The following PTPRO variants were observed in gnomAD, a reference collection of about 807,000 sequenced individuals.
PTPRO encodes protein tyrosine phosphatase receptor type O, also known as receptor-type tyrosine-protein phosphatase O.
In PTPRO, 62 loss-of-function variants were observed where a neutral mutation model predicts 145.2. That is an observed-to-expected ratio of 0.43 (90% CI 0.35 to 0.53). The LOEUF (loss-of-function observed/expected upper bound fraction) is 0.53. Ranked by LOEUF, PTPRO falls within the 20% of genes least tolerant of loss-of-function variation. The probability of loss-of-function intolerance (pLI) is 0.01; values close to 1 mark genes in which losing one functional copy is unlikely to be tolerated. For synonymous variants in PTPRO, 565 were observed against 514.7 expected (o/e 1.10, Z -1.32); for missense variants, 1,345 against 1,482.7 (o/e 0.91, Z 1.53).
chr12:15,394,081 T>C (rs1437882498), intron 1 of PTPRO, among the ~76,000 whole-genome samples: 1 of 152,152 alleles, frequency 6.6e-6, no homozygotes, highest in Non-Finnish European at 1.5e-5. Flanking sequence ...AATACATTCA[T>C]GAGGCCAGAG....
intron 1 of PTPRO, among the ~76,000 whole-genome samples, chr12:15,386,911 G>A (rs1183769655): frequency 6.6e-6 from 1 of 152,124 alleles, no homozygotes; most frequent in Admixed American, 6.6e-5. Flanking sequence ...AAAACTGCTT[G>A]CAGAAATAGC....
At chr12:15,463,080 T>G (rs955039949) in intron 1 of PTPRO, among the ~76,000 whole-genome samples, 6 of 152,184 alleles carry the variant, frequency 3.9e-5, no homozygotes, top group African/African-American at 1.4e-4. Context: ...GCAAATGGTG[T>G]GTGATTTGTT....
At chr12:15,536,279 G>A (rs770013281) in intron 12 of PTPRO, among the ~76,000 whole-genome samples, 1 of 152,174 alleles carries the variant, frequency 6.6e-6, no homozygotes, top group Non-Finnish European at 1.5e-5. Context: ...AGTGCTGTGG[G>A]GGATGGGTGC....
chr12:15,430,118 GAAAA>G (rs1304233156), intron 1 of PTPRO, among the ~76,000 whole-genome samples: 1 of 152,018 alleles, frequency 6.6e-6, no homozygotes, highest in Admixed American at 6.6e-5. Flanking sequence ...GGAACACCGA[GAAAA>G]TAGCAAGCCT....
At chr12:15,443,994 CAA>C (rs35520232) in intron 1 of PTPRO, among the ~76,000 whole-genome samples, 94 of 144,880 alleles carry the variant, frequency 6.5e-4, no homozygotes, top group Middle Eastern at 3.6e-3. Context: ...GAGTATATAT[CAA>C]AAAAAAAAAA....
At chr12:15,464,575 G>A (rs1462870823) in intron 1 of PTPRO, among the ~76,000 whole-genome samples, 1 of 150,534 alleles carries the variant, frequency 6.6e-6, no homozygotes, top group Admixed American at 6.6e-5. Context: ...ATCTTGGCCA[G>A]GCAGGTCTCC....
chr12:15,396,306 T>C (rs1006485545), intron 1 of PTPRO, among the ~76,000 whole-genome samples: 1 of 152,182 alleles, frequency 6.6e-6, no homozygotes, highest in African/African-American at 2.4e-5. Flanking sequence ...TGAACTCAAT[T>C]GTGTTGCACT....
chr12:15,452,613 A>C (rs2136381439), intron 1 of PTPRO, among the ~76,000 whole-genome samples: 1 of 152,342 alleles, frequency 6.6e-6, no homozygotes. Context: ...ATACTAGCTA[A>C]CTGAATACAA....
At chr12:15,451,697 C>A (rs1450638084) in intron 1 of PTPRO, among the ~76,000 whole-genome samples, 1 of 152,156 alleles carries the variant, frequency 6.6e-6, no homozygotes, top group African/African-American at 2.4e-5. Flanking sequence ...AAGGAACTTT[C>A]AAAACCATGC....
chr12:15,534,775 G>A (rs1943033509), intron 12 of PTPRO, among the ~76,000 whole-genome samples: 2 of 152,280 alleles, frequency 1.3e-5, no homozygotes, highest in East Asian at 1.9e-4. Flanking sequence ...TAAACAGTCC[G>A]ATTTACATTT....
intron 1 of PTPRO, among the ~76,000 whole-genome samples, chr12:15,457,518 G>T (rs1413052144): frequency 6.6e-6 from 1 of 151,944 alleles, no homozygotes; most frequent in Non-Finnish European, 1.5e-5. Flanking sequence ...ATTTACTATT[G>T]CCTTGTTGTT....
At chr12:15,363,333 A>G (rs888408081) in intron 1 of PTPRO, among the ~76,000 whole-genome samples, 2 of 152,162 alleles carry the variant, frequency 1.3e-5, no homozygotes, top group African/African-American at 2.4e-5. Context: ...ATCATGCTCT[A>G]TTTTTCGAAG....
At chr12:15,496,030 T>C (rs943430082) in intron 2 of PTPRO, among the ~76,000 whole-genome samples, 1 of 152,026 alleles carries the variant, frequency 6.6e-6, no homozygotes, top group Admixed American at 6.6e-5. Flanking sequence ...TGAGTTAATC[T>C]GTAATTTGAG....
intron 1 of PTPRO, among the ~76,000 whole-genome samples, chr12:15,419,755 A>G (rs769811027): frequency 1.3e-5 from 2 of 151,540 alleles, no homozygotes; most frequent in Non-Finnish European, 2.9e-5. Context: ...TCCCAGAGAA[A>G]ATAGAGGTAA....
intron 1 of PTPRO, among the ~76,000 whole-genome samples, chr12:15,359,232 G>A (rs1345662275): frequency 6.6e-6 from 1 of 152,000 alleles, no homozygotes; most frequent in African/African-American, 2.4e-5. Flanking sequence ...GGGGAGGAGG[G>A]GTAATTAAGA....
rs370766583 is a variant in PTPRO, at chr12:15,522,098, AATAATAATAAATAC to A, written c.1891+1801_1891+1814del. ...ATTTTCACATCTATAAAATGGGTAT[AATAATAATAAATAC>A]ATAATAATAAATACCTCACAGTATG... On this transcript the variant is annotated intron_variant, in intron 10 of 26. Coordinates refer to ENST00000281171, the MANE Select transcript of PTPRO (RefSeq NM_030667.3). 4.6e-3 allele frequency among the ~76,000 whole-genome samples: 693 copies of A among 152,228 alleles called. 5 individuals carry two copies. Among genetic ancestry groups the A allele is most frequent in the African/African-American group, 0.016 (654 of 41,540 alleles).
intron 1 of PTPRO, among the ~76,000 whole-genome samples, chr12:15,357,205 A>G (rs1329419975): frequency 6.6e-6 from 1 of 152,220 alleles, no homozygotes; most frequent in Admixed American, 6.5e-5. Context: ...ATGCCTCTCC[A>G]TCTCTAATTA....
Position 15,587,019 on chromosome 12 carries a change from C to A in PTPRO, c.3378C>A (p.Thr1126=), listed in dbSNP as rs1454886671. Residue 1126 remains threonine, a synonymous_variant, in exon 24 of 27, where the codon ACC becomes ACA. Transcript: ENST00000281171. The part of the protein sequence containing the change: ...QFVHMVRQQA[T]KSKGPMIIHC... The stretch of plus-strand genomic sequence containing the variant: ...TACACATGGTCCGACAGCAAGCTAC[C>A]AAGAGCAAAGGTCCCATGATCATTC... The A allele has an allele frequency of 3.1e-6, 5 of 1,614,074 alleles. No homozygotes were observed. The South Asian group carries it at 3.3e-5, about 11-fold the overall frequency.
At chr12:15,533,644 TTTTGTGTGTG>T (rs1393133900) in intron 12 of PTPRO, among the ~76,000 whole-genome samples, 2 of 152,090 alleles carry the variant, frequency 1.3e-5, no homozygotes, top group African/African-American at 2.4e-5. Context: ...GAATTGCAGG[TTTTGTGTGTG>T]TTTGTGTGTG....
Sources: allele counts gnomAD v4.1 joint callset (sites outside exome capture counted in the v4.1 genomes callset), GRCh38; gene constraint gnomAD v4.1.1; transcripts MANE v1.5; gene names NCBI Gene and HGNC (gene_info 2026-07-23, HGNC 2026-07-21).